TMEM240: variants seen among roughly 807,000 people sequenced by gnomAD.
TMEM240 encodes the protein transmembrane protein C1orf70.
A neutral mutation model predicts 19.5 loss-of-function variants in TMEM240; 3 were observed. That is an observed-to-expected ratio of 0.15 (90% CI 0.07 to 0.40). TMEM240 has a LOEUF of 0.40. TMEM240 is among the 10% of genes least tolerant of loss of function. The pLI is 1.00. For missense variants in TMEM240, 210 were observed against 253.5 expected (o/e 0.83, Z 1.17); for synonymous variants, 123 against 109.3 (o/e 1.13, Z -0.78).
chr1:1,537,031 G>A (rs1265486228), intron 2 of TMEM240, among the ~76,000 whole-genome samples: 1 of 152,008 alleles, frequency 6.6e-6, no homozygotes, highest in Non-Finnish European at 1.5e-5. Flanking sequence ...AGCCCAGCCT[G>A]TCCGTCCAAC....
At position 1,536,642 on chromosome 1, in the gene TMEM240, C is replaced by T. The variant is rs916094754; in HGVS notation, c.165-845G>A. Reference sequence around the variant, plus strand: ...GGGGCAACACAAGCTCCCCAAGGAGCTCGCCCCAGCAGCTCACCCTGTCCC... The same window carrying T: ...GGGGCAACACAAGCTCCCCAAGGAGTTCGCCCCAGCAGCTCACCCTGTCCC... On this transcript the variant is annotated intron_variant, in intron 2 of 3. Transcript: ENST00000378733. This position sits in a 1 kb window ranked among gnomAD's most constrained non-coding sequence, Gnocchi z 5.4. Among the ~76,000 whole-genome samples, 13 of 152,148 alleles carry T rather than the reference C, an allele frequency of 8.5e-5. No individual in the cohort carries two copies. Among genetic ancestry groups the T allele is most frequent in the Non-Finnish European group, 1.8e-4 (12 of 68,006 alleles).
At position 1,536,528 on chromosome 1, in the gene TMEM240, G is replaced by A. The variant is rs1289735512; in HGVS notation, c.165-731C>T. Among the ~76,000 whole-genome samples, 2 of 152,146 alleles carry A rather than the reference G, an allele frequency of 1.3e-5. No homozygotes were observed. The highest frequency in any genetic ancestry group is 4.8e-5 in the African/African-American group (2 of 41,432). ...GGGCCCTTTCGTCCTCAGTGCCTGC[G>A]CGCCTCCATGTCCCTCGGCCTCCCC... On this transcript the variant is annotated intron_variant, in intron 2 of 3. Coordinates refer to ENST00000378733, the MANE Select transcript of TMEM240 (RefSeq NM_001114748.2). This position sits in a 1 kb window ranked among gnomAD's most constrained non-coding sequence, Gnocchi z 5.4.
At chr1:1,537,157 G>T (rs1224810810) in intron 2 of TMEM240, among the ~76,000 whole-genome samples, 3 of 151,924 alleles carry the variant, frequency 2.0e-5, no homozygotes, top group Admixed American at 6.6e-5. Flanking sequence ...CAGGGAGGAG[G>T]TGTCCCCTGC....
rs542091821 is a variant in TMEM240 at position 1,535,623 on chromosome 1, G to A, written c.339C>T (p.Cys113=). ...FLVWMDGVLH[C]AVRAWRAGRR... is the part of the protein sequence containing the mutation. ...GTCCGGCTCTCCAGGCGCGCACGGC[G>A]CAGTGCAGGACGCCGTCCATCCACA... The change falls in exon 3 of 4, where the codon TGC becomes TGT. Residue 113 remains cysteine, a synonymous_variant. Transcript: ENST00000378733. This position sits in a 1 kb window ranked among gnomAD's most constrained non-coding sequence, Gnocchi z 8.2. The A allele has an allele frequency of 5.7e-5, 88 of 1,549,770 alleles. No homozygotes were observed. The highest frequency in any genetic ancestry group is 1.2e-4 in the East Asian group (5 of 40,882).
At position 1,535,189 on chromosome 1, in the gene TMEM240, T is replaced by A; in HGVS notation, c.*170A>T. 3 of 557,696 alleles carry A rather than the reference T, an allele frequency of 5.4e-6. No homozygotes were observed. The highest frequency in any genetic ancestry group is 3.8e-5 in the Admixed American group (1 of 25,978). The allele number at this position is 557,696 out of a possible 1,614,324, so 34.5% of individuals were successfully genotyped here. On this transcript the variant is annotated 3_prime_UTR_variant, in exon 4 of 4. Transcript: ENST00000378733. This position sits in a 1 kb window ranked among gnomAD's most constrained non-coding sequence, Gnocchi z 8.2. ...CTAGCCCACACCCCAACCCCCTTTA[T>A]AAAAAGAAGAGACAGCACCTTCCAC...
In TMEM240 at chr1:1,535,860, C is replaced by T. The variant is rs1291951744; in HGVS notation, c.165-63G>A. 2.0e-5 allele frequency: 28 copies of T among 1,427,996 alleles called. No homozygotes were observed. The highest frequency in any genetic ancestry group is 2.6e-5 in the East Asian group (1 of 39,026). 88.5% of individuals were successfully genotyped at this position (1,427,996 alleles called of 1,614,324 possible). A position where few individuals can be genotyped will look rare whatever the true frequency, so the allele number is the denominator to read the frequency against. ...CCCCCGGCCTGGCCTTCCCCCGGGG[C>T]GCCTACCCCGTGGTGGGGGTGTGAC... On this transcript the variant is annotated intron_variant, in intron 2 of 3. Transcript: ENST00000378733. The surrounding 1 kb of genome is among the most constrained non-coding windows in gnomAD (Gnocchi z 8.2).
intron 2 of TMEM240, among the ~76,000 whole-genome samples, chr1:1,537,425 T>G (rs1642238596): frequency 6.6e-6 from 1 of 152,096 alleles, no homozygotes; most frequent in African/African-American, 2.4e-5. Context: ...AAGCTGTTCC[T>G]GACCCCTTAG....
rs1642213102 is a variant in TMEM240, at chr1:1,535,962, G to A, written c.165-165C>T. Reference sequence around the variant, plus strand: ...TCGGGAAGGGGGCACCAGACTCAACGAGGCCCAGGTCACAGGCCAGAGGGA... The same window carrying A: ...TCGGGAAGGGGGCACCAGACTCAACAAGGCCCAGGTCACAGGCCAGAGGGA... On this transcript the variant is annotated intron_variant, in intron 2 of 3. Transcript: ENST00000378733. This position sits in a 1 kb window ranked among gnomAD's most constrained non-coding sequence, Gnocchi z 8.2. 6.6e-6 allele frequency among the ~76,000 whole-genome samples: 1 copy of A among 152,118 alleles called. No individual in the cohort carries two copies. Among genetic ancestry groups the A allele is most frequent in the African/African-American group, 2.4e-5 (1 of 41,418 alleles).
rs1236282555 is a variant in TMEM240, at chr1:1,535,150, ACCCAACC to A, written c.*202_*208del. The A allele has an allele frequency of 2.2e-6, 1 of 463,636 alleles. No individual in the cohort carries two copies. Among genetic ancestry groups the A allele is most frequent in the Non-Finnish European group, 3.8e-6 (1 of 259,946 alleles). The allele number at this position is 463,636 out of a possible 1,614,324, so 28.7% of individuals were successfully genotyped here. The stretch of plus-strand genomic sequence containing the variant: ...CCCCCCAACTGCAGGGTCTCCCCTA[ACCCAACC>A]CCCACCCTAGCCCACACCCCAACCC... On this transcript the variant is annotated 3_prime_UTR_variant, in exon 4 of 4. Coordinates refer to ENST00000378733, the MANE Select transcript of TMEM240 (RefSeq NM_001114748.2). This position sits in a 1 kb window ranked among gnomAD's most constrained non-coding sequence, Gnocchi z 8.2.
In TMEM240 at chr1:1,536,310, G is replaced by A. The variant is rs111771130; in HGVS notation, c.165-513C>T. 3.5e-3 allele frequency among the ~76,000 whole-genome samples: 529 copies of A among 152,230 alleles called. 2 individuals carry two copies. Among genetic ancestry groups the A allele is most frequent in the African/African-American group, 8.8e-3 (367 of 41,526 alleles). Reference sequence around the variant, plus strand: ...CCCGCTGCTGTGCCCTTTCCTCCACGGCTGCCACCGCGCCTGCCAGGCCCA... The same window carrying A: ...CCCGCTGCTGTGCCCTTTCCTCCACAGCTGCCACCGCGCCTGCCAGGCCCA... On this transcript the variant is annotated intron_variant, in intron 2 of 3. Coordinates refer to ENST00000378733, the MANE Select transcript of TMEM240 (RefSeq NM_001114748.2). The surrounding 1 kb of genome is among the most constrained non-coding windows in gnomAD (Gnocchi z 5.4).
chr1:1,537,203 G>A (rs1245121744), intron 2 of TMEM240, among the ~76,000 whole-genome samples: 1 of 152,032 alleles, frequency 6.6e-6, no homozygotes, highest in African/African-American at 2.4e-5. Context: ...GCTCTTCTGG[G>A]GTTCCCGGAG....
At position 1,539,964 on chromosome 1, in the gene TMEM240, C is replaced by A. The variant is rs577635831; in HGVS notation, c.58-174G>T. On this transcript the variant is annotated intron_variant, in intron 1 of 3. Transcript: ENST00000378733. ...GCGCAGCGGGTATGGGGATCGCAGG[C>A]TGGGGAGGGGAGCGCAGGCCGGGGT... Among the ~76,000 whole-genome samples, 27 of 58,366 alleles carry A rather than the reference C, an allele frequency of 4.6e-4. No individual in the cohort carries two copies. In the East Asian group the frequency reaches 5.5e-3, roughly 12 times the overall value. 38.3% of individuals were successfully genotyped at this position (58,366 alleles called of 152,430 possible). A position where few individuals can be genotyped will look rare whatever the true frequency, so the allele number is the denominator to read the frequency against.
In TMEM240 at chr1:1,536,778, G is replaced by T. The variant is rs1011840648; in HGVS notation, c.165-981C>A. Among the ~76,000 whole-genome samples, 1 of 152,122 alleles carries T rather than the reference G, an allele frequency of 6.6e-6. No homozygotes were observed. The highest frequency in any genetic ancestry group is 1.5e-5 in the Non-Finnish European group (1 of 67,994). Reference sequence around the variant, plus strand: ...TGGGAGTGGAGCCCGCGGGCCCCACGCGCCTTGCGGTCCACACTCCTGGCT... The same window carrying T: ...TGGGAGTGGAGCCCGCGGGCCCCACTCGCCTTGCGGTCCACACTCCTGGCT... On this transcript the variant is annotated intron_variant, in intron 2 of 3. Transcript: ENST00000378733. This position sits in a 1 kb window ranked among gnomAD's most constrained non-coding sequence, Gnocchi z 5.4.
chr1:1,539,821 G>A, intron 1 of TMEM240, 31 bp from the exon 2 acceptor site: 1 of 1,536,332 alleles, frequency 6.5e-7, no homozygotes. Flanking sequence ...TCAGCGCCAA[G>A]GAGCGGGCGG....
Position 1,535,635 on chromosome 1 carries a change from G to A in TMEM240, c.327C>T (p.Gly109=), listed in dbSNP as rs376315923. 199 of 1,549,838 alleles carry A rather than the reference G, an allele frequency of 1.3e-4. No individual in the cohort carries two copies. The highest frequency in any genetic ancestry group is 1.6e-4 in the Non-Finnish European group (178 of 1,146,592). The stretch of plus-strand genomic sequence containing the variant: ...AGGCGCGCACGGCGCAGTGCAGGAC[G>A]CCGTCCATCCACACCAGGAACCAGC... ...CISWFLVWMD[G]VLHCAVRAWR... Residue 109 remains glycine, a synonymous_variant, in exon 3 of 4, where the codon GGC becomes GGT. Transcript: ENST00000378733. The surrounding 1 kb of genome is among the most constrained non-coding windows in gnomAD (Gnocchi z 8.2).
At position 1,535,825 on chromosome 1, in the gene TMEM240, T is replaced by C; in HGVS notation, c.165-28A>G. The C allele has an allele frequency of 6.5e-7, 1 of 1,536,986 alleles. No individual in the cohort carries two copies. The highest frequency in any genetic ancestry group is 8.8e-7 in the Non-Finnish European group (1 of 1,136,632). On this transcript the variant is annotated intron_variant, in intron 2 of 3. Coordinates refer to ENST00000378733, the MANE Select transcript of TMEM240 (RefSeq NM_001114748.2). This position sits in a 1 kb window ranked among gnomAD's most constrained non-coding sequence, Gnocchi z 8.2. The stretch of plus-strand genomic sequence containing the variant: ...GGGGGCGGCAGGGCGGGCTGGCACC[T>C]CTCCCGCCACCCCCGGCCTGGCCTT...
At position 1,540,371 on chromosome 1, in the gene TMEM240, G is replaced by T; in HGVS notation, c.-25C>A. The T allele has an allele frequency of 1.7e-6, 2 of 1,152,178 alleles. No individual in the cohort carries two copies. The highest frequency in any genetic ancestry group is 2.2e-6 in the Non-Finnish European group (2 of 928,332). The allele number at this position is 1,152,178 out of a possible 1,614,324, so 71.4% of individuals were successfully genotyped here. A position where few individuals can be genotyped will look rare whatever the true frequency, so the allele number is the denominator to read the frequency against. On this transcript the variant is annotated 5_prime_UTR_variant, in exon 1 of 4. Coordinates refer to ENST00000378733, the MANE Select transcript of TMEM240 (RefSeq NM_001114748.2). ...TCGGGCGGGGCCGGGCCGGGCCGGAGCGCCGCCCCCCGGCCCCGGCGCCCC... is the reference window on the plus strand; with the variant it reads ...TCGGGCGGGGCCGGGCCGGGCCGGATCGCCGCCCCCCGGCCCCGGCGCCCC...
Position 1,539,428 on chromosome 1 carries a change from C to T in TMEM240, c.164+256G>A, listed in dbSNP as rs1557490673. 5.6e-6 allele frequency: 3 copies of T among 533,102 alleles called. No individual in the cohort carries two copies. The African/African-American group carries it at 5.9e-5, about 11-fold the overall frequency. 33.0% of individuals were successfully genotyped at this position (533,102 alleles called of 1,614,324 possible). A position where few individuals can be genotyped will look rare whatever the true frequency, so the allele number is the denominator to read the frequency against. On this transcript the variant is annotated intron_variant, in intron 2 of 3. Transcript: ENST00000378733. ...TCACACTGGGCTGCGGCTTTCCGGC[C>T]TCCAGGCTGGACCAGGAGGCCCCGT... is the stretch of plus-strand genomic sequence containing the variant.
chr1:1,540,257 C>T (rs772920869), intron 1 of TMEM240, 33 bp downstream of exon 1: 4 of 1,298,160 alleles, frequency 3.1e-6, no homozygotes, highest in Admixed American at 4.1e-5. Flanking sequence ...GGGCGGGGAG[C>T]AGGGGGCGCG....
Sources: gnomAD v4.1 joint callset for allele counts (sites outside exome capture counted in the v4.1 genomes callset) on GRCh38, gnomAD v4.1.1 for gene constraint, Gnocchi (gnomAD v3.1) non-coding constraint, MANE v1.5 for transcripts, NCBI Gene and HGNC (gene_info 2026-07-23, HGNC 2026-07-21) for gene names.